NWD2: variants seen among roughly 807,000 people sequenced by gnomAD.
The protein encoded by NWD2 is NACHT and WD repeat domain-containing protein 2.
NWD2 carries 37 observed loss-of-function variants against 132.7 expected under a neutral mutation model. That is an observed-to-expected ratio of 0.28 (90% CI 0.21 to 0.37). The LOEUF (loss-of-function observed/expected upper bound fraction) is 0.37, where lower values mean the gene tolerates loss of function less well. NWD2 is among the 10% of genes least tolerant of loss of function. The pLI is 1.00. For synonymous variants in NWD2, 705 were observed against 803.0 expected (o/e 0.88, Z 2.06); for missense variants, 1,592 against 2,122.4 (o/e 0.75, Z 4.91).
intron 1 of NWD2, among the ~76,000 whole-genome samples, chr4:37,250,001 A>G (rs1352886305): frequency 1.3e-5 from 2 of 152,236 alleles, no homozygotes; most frequent in Non-Finnish European, 2.9e-5. Flanking sequence ...CACAAAAGGC[A>G]GACATATCTG....
chr4:37,433,978 G>A lies in NWD2; in HGVS notation c.664G>A (p.Gly222Ser). 1 of 1,550,264 alleles carries A rather than the reference G, an allele frequency of 6.5e-7. No individual in the cohort carries two copies. The highest frequency in any genetic ancestry group is 1.2e-5 in the South Asian group (1 of 83,842). ...KAAVKLLHEK[G>S]KMKHSQAKRY... ...TGCTGTAAAGCTGTTACACGAAAAG[G>A]GTAAAATGAAACACAGCCAGGCTAA... The change falls in exon 5 of 7, where the codon GGT (glycine) becomes AGT (serine). Residue 222 changes from glycine to serine, a missense_variant. Transcript: ENST00000309447.
intron 1 of NWD2, among the ~76,000 whole-genome samples, chr4:37,309,265 G>A (rs1718779197): frequency 6.6e-6 from 1 of 152,182 alleles, no homozygotes; most frequent in Non-Finnish European, 1.5e-5. Context: ...ACGAGCATGT[G>A]GCAGTTCTGC....
chr4:37,369,571 A>C (rs544020500), intron 3 of NWD2, among the ~76,000 whole-genome samples: 2 of 152,346 alleles, frequency 1.3e-5, no homozygotes, highest in South Asian at 4.1e-4. Flanking sequence ...GAGTGAATAA[A>C]GAACAAGTTG....
At chr4:37,250,896 A>G (rs1399745678) in intron 1 of NWD2, among the ~76,000 whole-genome samples, 1 of 152,242 alleles carries the variant, frequency 6.6e-6, no homozygotes, top group Non-Finnish European at 1.5e-5. Flanking sequence ...ACAAACCTGT[A>G]TAGCATGTTA....
chr4:37,394,190 C>T (rs1190302461), intron 3 of NWD2, among the ~76,000 whole-genome samples: 2 of 152,192 alleles, frequency 1.3e-5, no homozygotes, highest in Non-Finnish European at 2.9e-5. Context: ...AATGTATAAT[C>T]TCACCTCATT....
At chr4:37,294,233 C>T (rs1272256412) in intron 1 of NWD2, among the ~76,000 whole-genome samples, 2 of 152,164 alleles carry the variant, frequency 1.3e-5, no homozygotes, top group Non-Finnish European at 2.9e-5. Context: ...ACGTACACAT[C>T]GTTTGAGAAT....
intron 1 of NWD2, among the ~76,000 whole-genome samples, chr4:37,250,060 TCTTA>T (rs1263660103): frequency 6.6e-6 from 1 of 152,214 alleles, no homozygotes; most frequent in African/African-American, 2.4e-5. Context: ...TCATTATTCT[TCTTA>T]CTTTTCCTAC....
chr4:37,434,060 A>C, intron 5 of NWD2, 40 bp downstream of exon 5: 2 of 1,362,664 alleles, frequency 1.5e-6, no homozygotes, highest in Non-Finnish European at 2.0e-6. Context: ...GAAATATATC[A>C]TTAATAGGTA....
At chr4:37,279,418 A>T (rs1718085581) in intron 1 of NWD2, among the ~76,000 whole-genome samples, 1 of 152,182 alleles carries the variant, frequency 6.6e-6, no homozygotes, top group Admixed American at 6.5e-5. Flanking sequence ...TCCAGAAATC[A>T]TATGTAGAGA....
chr4:37,307,092 A>G (rs1421405406), intron 1 of NWD2, among the ~76,000 whole-genome samples: 3 of 152,118 alleles, frequency 2.0e-5, no homozygotes, highest in African/African-American at 7.2e-5. Flanking sequence ...TTAGGATGAA[A>G]TGTTCTGTAA....
intron 2 of NWD2, among the ~76,000 whole-genome samples, chr4:37,334,784 A>T (rs188295509): frequency 6.6e-6 from 1 of 152,084 alleles, no homozygotes; most frequent in Non-Finnish European, 1.5e-5. Context: ...CTCATAGCCA[A>T]CTTCATTAGT....
Position 37,446,421 on chromosome 4 carries a change from G to A in NWD2, c.4433G>A (p.Gly1478Glu). 1 of 1,551,706 alleles carries A rather than the reference G, an allele frequency of 6.4e-7. No individual in the cohort carries two copies. Among genetic ancestry groups the A allele is most frequent in the Non-Finnish European group, 8.7e-7 (1 of 1,147,000 alleles). The change falls in exon 7 of 7, where the codon GGG becomes GAG. Residue 1478 changes from glycine to glutamate, a missense_variant. Physicochemically the swap from Gly to Glu is moderately conservative, Grantham distance 98. Around this residue, in one of 7 missense-constraint regions of NWD2, gnomAD observed 257 missense variants for 335.0 expected, o/e 0.77. Transcript: ENST00000309447. The surrounding 1 kb of genome is among the most constrained non-coding windows in gnomAD (Gnocchi z 6.7). ...ACCAAGAAATTTTGCTGTGAAGATG[G>A]GACCACCATCGTGAATTTTAAATTA... Reference protein sequence around the residue: ...SITKKFCCEDGTTIVNFKLIP... With the variant: ...SITKKFCCEDETTIVNFKLIP...
intron 1 of NWD2, among the ~76,000 whole-genome samples, chr4:37,314,393 C>G (rs539501733): frequency 1.8e-3 from 271 of 152,232 alleles, no homozygotes; most frequent in Non-Finnish European, 2.4e-3. Context: ...CAGTTATATA[C>G]TCTGGGCCTG....
intron 3 of NWD2, among the ~76,000 whole-genome samples, chr4:37,377,519 G>C (rs1283613945): frequency 1.3e-5 from 2 of 152,064 alleles, no homozygotes; most frequent in Non-Finnish European, 2.9e-5. Context: ...ATCACCTGAG[G>C]TTGGGAGTTT....
At chr4:37,326,057 G>A in intron 2 of NWD2, 33 bp downstream of exon 2, 1 of 1,307,722 alleles carries the variant, frequency 7.6e-7, no homozygotes, top group Non-Finnish European at 1.1e-6. Flanking sequence ...TCACAGTTAT[G>A]TCCAGTTAAA....
intron 3 of NWD2, among the ~76,000 whole-genome samples, chr4:37,377,311 A>C (rs1322017752): frequency 6.6e-6 from 1 of 152,228 alleles, no homozygotes; most frequent in Non-Finnish European, 1.5e-5. Flanking sequence ...ATTTTTTTTG[A>C]AAATATAACT....
chr4:37,355,724 C>G (rs1719858090), intron 2 of NWD2, among the ~76,000 whole-genome samples: 1 of 152,146 alleles, frequency 6.6e-6, no homozygotes, highest in Non-Finnish European at 1.5e-5. Context: ...CCTTAGTAGT[C>G]TTTGAAGTAG....
chr4:37,437,209 A>G (rs990325606), intron 5 of NWD2, among the ~76,000 whole-genome samples: 4 of 152,172 alleles, frequency 2.6e-5, no homozygotes, highest in Non-Finnish European at 5.9e-5. Context: ...CTGTGTATTC[A>G]GAGCCTCCCT....
intron 1 of NWD2, 144 bp downstream of exon 1, chr4:37,245,362 A>C: frequency 9.5e-7 from 1 of 1,048,234 alleles, no homozygotes; most frequent in Non-Finnish European, 1.3e-6. Flanking sequence ...AGCGCGTGGG[A>C]ATTTAATTTG....
Sources: allele counts gnomAD v4.1 joint callset (sites outside exome capture counted in the v4.1 genomes callset), GRCh38; gene constraint gnomAD v4.1.1; regional missense constraint gnomAD v4.1.1; non-coding constraint Gnocchi (gnomAD v3.1); transcripts MANE v1.5; gene names NCBI Gene and HGNC (gene_info 2026-07-23, HGNC 2026-07-21).